ACSL6: variants seen among roughly 807,000 people sequenced by gnomAD.
ACSL6 encodes the protein long-chain-fatty-acid--CoA ligase 6.
ACSL6 carries 47 observed loss-of-function variants against 98.2 expected under a neutral mutation model. The observed-to-expected ratio is 0.48, with a 90% CI of 0.38 to 0.61. The LOEUF is 0.61. Among genes scored for constraint, ACSL6 ranks in the 20% least tolerant of loss-of-function variants. The pLI, the probability that ACSL6 is intolerant of heterozygous loss-of-function variation, is 0.00. For synonymous variants in ACSL6, 362 were observed against 336.9 expected, an observed-to-expected ratio of 1.07 and a Z score of -0.82; for missense variants, 761 against 913.4, an observed-to-expected ratio of 0.83 and a Z score of 2.15.
Position 131,950,259 on chromosome 5 carries a change from C to T in ACSL6, c.*3975G>A. 1 of 203,778 alleles carries T rather than the reference C, an allele frequency of 4.9e-6. No homozygotes were observed. Among genetic ancestry groups the T allele is most frequent in the Non-Finnish European group, 1.0e-5 (1 of 99,308 alleles). The allele number at this position is 203,778 out of a possible 1,614,324, so 12.6% of individuals were successfully genotyped here. ...GAATGTTTAAAAGCCACTGTCACCT[C>T]ATGAAACCCTTTCCATTTGGTACCA... On this transcript the variant is annotated 3_prime_UTR_variant, in exon 21 of 21. Coordinates refer to ENST00000651883, the MANE Select transcript of ACSL6 (RefSeq NM_001009185.3).
In ACSL6 at chr5:131,959,682, T is replaced by G. The variant is rs1006080978; in HGVS notation, c.1960-75A>C. On this transcript the variant is annotated intron_variant, in intron 19 of 20. Coordinates refer to ENST00000651883, the MANE Select transcript of ACSL6 (RefSeq NM_001009185.3). ...ATGGAGGTAGAGGAAACAACACTTT[T>G]GGGTAAAGTACAACTGATGATTGTG... The G allele has an allele frequency of 7.9e-6, 11 of 1,400,860 alleles. 1 individual carries two copies. In the African/African-American group the frequency reaches 1.4e-4, roughly 18 times the overall value. The allele number at this position is 1,400,860 out of a possible 1,614,324, so 86.8% of individuals were successfully genotyped here.
At chr5:131,954,485 A>T in intron 20 of ACSL6, 114 bp from the exon 21 acceptor site, 1 of 1,101,936 alleles carries the variant, frequency 9.1e-7, no homozygotes, top group Non-Finnish European at 1.2e-6. Flanking sequence ...TACAGACATT[A>T]TGCTAAGTCA....
At chr5:131,975,112 G>C in intron 10 of ACSL6, 142 bp from the exon 11 acceptor site, 1 of 1,419,800 alleles carries the variant, frequency 7.0e-7, no homozygotes, top group Non-Finnish European at 9.3e-7. Flanking sequence ...TGAGGACAGA[G>C]AGAGAGGTGA....
chr5:131,975,803 G>A (rs1753583635), intron 10 of ACSL6: 1 of 985,354 alleles, frequency 1.0e-6, no homozygotes, highest in Non-Finnish European at 1.2e-6. Context: ...GGACTTCCCT[G>A]CTCTCCACCC....
At position 131,989,421 on chromosome 5, in the gene ACSL6, G is replaced by A; in HGVS notation, c.538C>T (p.Gln180Ter). Residue 180 changes from glutamine to a stop codon, truncating the protein, a stop_gained, in exon 5 of 21, where the codon CAA (glutamine) becomes TAA (stop). Transcript: ENST00000651883. LOFTEE classifies it high-confidence loss of function. The part of the protein sequence containing the change: ...CTDQFIGVFA[Q>*]NRPEWIIVEL... ...TAGATGCTCACCTCTGGCCGATTTT[G>A]TGCAAAAACACCAATAAACTGATCA... 1 of 1,613,842 alleles carries A rather than the reference G, an allele frequency of 6.2e-7. No individual in the cohort carries two copies. The highest frequency in any genetic ancestry group is 8.5e-7 in the Non-Finnish European group (1 of 1,179,912).
intron 16 of ACSL6, 56 bp downstream of exon 16, chr5:131,967,884 G>T: frequency 6.7e-7 from 1 of 1,492,082 alleles, no homozygotes; most frequent in Non-Finnish European, 9.3e-7. Context: ...TACTGTTCTT[G>T]TTTTTACTCA....
intron 7 of ACSL6, among the ~76,000 whole-genome samples, chr5:131,987,670 A>C (rs941023313): frequency 6.6e-6 from 1 of 152,196 alleles, no homozygotes; most frequent in Non-Finnish European, 1.5e-5. Flanking sequence ...TCACATTTGT[A>C]AGAACCTCTC....
intron 13 of ACSL6, among the ~76,000 whole-genome samples, chr5:131,972,342 A>G (rs1269834774): frequency 1.3e-5 from 2 of 152,270 alleles, no homozygotes; most frequent in East Asian, 3.9e-4. Context: ...ATTTTGAACC[A>G]TTTGGCTAGA....
At chr5:132,011,760 C>T (rs916565443), upstream of ACSL6, 3 of 1,310,386 alleles carry the variant, frequency 2.3e-6, no homozygotes, top group East Asian at 3.1e-5. The surrounding 1 kb of genome is among the most constrained non-coding windows in gnomAD (Gnocchi z 5.4). Context: ...CACTCGCAAC[C>T]GAGCCTTACT....
chr5:131,980,851 C>T (rs996449592), intron 9 of ACSL6, among the ~76,000 whole-genome samples: 2 of 152,114 alleles, frequency 1.3e-5, no homozygotes, highest in African/African-American at 4.8e-5. Context: ...TTCTGAAAAC[C>T]CCACCAAGCC....
At chr5:131,958,744 A>G (rs1752549737) in intron 20 of ACSL6, among the ~76,000 whole-genome samples, 1 of 152,148 alleles carries the variant, frequency 6.6e-6, no homozygotes, top group African/African-American at 2.4e-5. Flanking sequence ...TTTTTAGGTT[A>G]TTAAGCGAAT....
chr5:131,961,223 C>T (rs1252536124), intron 18 of ACSL6, among the ~76,000 whole-genome samples: 2 of 151,906 alleles, frequency 1.3e-5, no homozygotes, highest in Non-Finnish European at 2.9e-5. Flanking sequence ...TAGGGTTTAA[C>T]CATGTTGCCC....
intron 9 of ACSL6, 92 bp downstream of exon 9, chr5:131,985,315 A>G: frequency 6.6e-7 from 1 of 1,513,364 alleles, no homozygotes; most frequent in South Asian, 1.2e-5. Context: ...GCCCATTTCA[A>G]ACAGGGTATC....
chr5:132,009,995 A>G (rs1473701484), intron 1 of ACSL6, among the ~76,000 whole-genome samples: 1 of 152,128 alleles, frequency 6.6e-6, no homozygotes, highest in Non-Finnish European at 1.5e-5. Context: ...CTCTGAGACC[A>G]TCCATCACTC....
intron 10 of ACSL6, chr5:131,975,495 G>A: frequency 1.0e-6 from 1 of 985,392 alleles, no homozygotes; most frequent in Non-Finnish European, 1.2e-6. Flanking sequence ...CAGAGAAAGG[G>A]GCCCAGAGAC....
At chr5:132,002,015 G>A (rs1473639742) in intron 1 of ACSL6, 1 of 152,238 alleles carries the variant, frequency 6.6e-6, no homozygotes, top group Non-Finnish European at 1.5e-5. Flanking sequence ...AGAGCAAAGA[G>A]GGACAGCAGG....
intron 19 of ACSL6, 35 bp downstream of exon 19, chr5:131,960,485 A>G: frequency 6.4e-7 from 1 of 1,567,972 alleles, no homozygotes; most frequent in East Asian, 2.3e-5. Flanking sequence ...TAAAACATTC[A>G]GTAACCTTTC....
intron 1 of ACSL6, among the ~76,000 whole-genome samples, chr5:131,997,548 G>A (rs76654219): frequency 6.6e-6 from 1 of 152,230 alleles, no homozygotes; most frequent in African/African-American, 2.4e-5. Context: ...ACCAGAGCCT[G>A]TATGAGGGGA....
intron 3 of ACSL6, 40 bp downstream of exon 3, chr5:131,990,813 C>T: frequency 1.9e-6 from 3 of 1,549,282 alleles, no homozygotes; most frequent in East Asian, 2.3e-5. Context: ...CCACCCCTGC[C>T]ACACAGCCCC....
Sources: allele counts gnomAD v4.1 joint callset (sites outside exome capture counted in the v4.1 genomes callset), GRCh38; gene constraint gnomAD v4.1.1; non-coding constraint Gnocchi (gnomAD v3.1); transcripts MANE v1.5; gene names NCBI Gene and HGNC (gene_info 2026-07-23, HGNC 2026-07-21).